The following DOK6 variants were observed in gnomAD, a reference collection of about 807,000 sequenced individuals.
DOK6 encodes the protein docking protein 6, also known as downstream of tyrosine kinase 6.
DOK6 carries 22 observed loss-of-function variants against 44.0 expected under a neutral mutation model. The observed-to-expected ratio is 0.50, with a 90% CI of 0.36 to 0.71. The LOEUF (loss-of-function observed/expected upper bound fraction) is 0.71. Ranked by LOEUF, DOK6 falls within the 30% of genes least tolerant of loss-of-function variation. DOK6 has a pLI of 0.00. For synonymous variants in DOK6, 166 were observed against 145.5 expected (o/e 1.14, Z -1.01); for missense variants, 340 against 416.4 (o/e 0.82, Z 1.60).
At chr18:69,808,732 G>A (rs1981129205) in intron 7 of DOK6, among the ~76,000 whole-genome samples, 1 of 151,776 alleles carries the variant, frequency 6.6e-6, no homozygotes, top group African/African-American at 2.4e-5. Flanking sequence ...TATCCAGACT[G>A]AATCATGAAG....
chr18:69,474,568 A>T (rs181138218), intron 1 of DOK6, among the ~76,000 whole-genome samples: 32 of 152,320 alleles, frequency 2.1e-4, no homozygotes, highest in Admixed American at 2.0e-3. Context: ...ACATGGTTTA[A>T]TGTATTCCAA....
chr18:69,616,157 C>T (rs1335676346), intron 3 of DOK6, among the ~76,000 whole-genome samples: 2 of 152,172 alleles, frequency 1.3e-5, no homozygotes, highest in Non-Finnish European at 2.9e-5. Flanking sequence ...CAGTACATAT[C>T]CTGAGAGGCT....
At position 69,845,071 on chromosome 18, in the gene DOK6, T is replaced by C. The variant is rs1568144203; in HGVS notation, c.*3688T>C. 1 of 152,210 alleles carries C rather than the reference T, an allele frequency of 6.6e-6. No homozygotes were observed. The highest frequency in any genetic ancestry group is 2.4e-5 in the African/African-American group (1 of 41,462). The allele number at this position is 152,210 out of a possible 1,614,324, so 9.4% of individuals were successfully genotyped here. ...AAAATTGATGTGTGCCCCTCCTTGT[T>C]TGGCCAGTATCACAGAAAACTTTGT... is the stretch of plus-strand genomic sequence containing the variant. On this transcript the variant is annotated 3_prime_UTR_variant, in exon 8 of 8. Coordinates refer to ENST00000382713, the MANE Select transcript of DOK6 (RefSeq NM_152721.6).
At chr18:69,822,834 C>A (rs962963530) in intron 7 of DOK6, among the ~76,000 whole-genome samples, 1 of 152,014 alleles carries the variant, frequency 6.6e-6, no homozygotes, top group African/African-American at 2.4e-5. Flanking sequence ...CTTGTTGGGA[C>A]CAGTGTGTTA....
At chr18:69,775,043 A>G (rs1441849253) in intron 7 of DOK6, among the ~76,000 whole-genome samples, 1 of 151,954 alleles carries the variant, frequency 6.6e-6, no homozygotes, top group East Asian at 1.9e-4. Flanking sequence ...ATAGAACAGG[A>G]AGTGATGAAA....
chr18:69,433,068 G>T (rs200187514), intron 1 of DOK6, among the ~76,000 whole-genome samples: 1 of 152,130 alleles, frequency 6.6e-6, no homozygotes, highest in Admixed American at 6.5e-5. Flanking sequence ...GAAAACTGTG[G>T]TATAGCTAGA....
intron 1 of DOK6, among the ~76,000 whole-genome samples, chr18:69,446,742 C>T (rs1979305936): frequency 6.6e-6 from 1 of 152,092 alleles, no homozygotes; most frequent in African/African-American, 2.4e-5. Context: ...TTTTAGTGAT[C>T]ACCATTCTAA....
chr18:69,646,124 T>C (rs1985066725), intron 3 of DOK6, among the ~76,000 whole-genome samples: 1 of 152,204 alleles, frequency 6.6e-6, no homozygotes, highest in African/African-American at 2.4e-5. Context: ...CAGCATGTAA[T>C]AGACCCCTTC....
chr18:69,507,473 A>G (rs1018600323), intron 1 of DOK6, among the ~76,000 whole-genome samples: 2 of 152,174 alleles, frequency 1.3e-5, no homozygotes, highest in East Asian at 3.8e-4. Flanking sequence ...AAAATGTATT[A>G]TTTTGGAGAG....
At chr18:69,788,497 AAC>A (rs931710920) in intron 7 of DOK6, among the ~76,000 whole-genome samples, 109 of 152,270 alleles carry the variant, frequency 7.2e-4, no homozygotes, top group African/African-American at 2.5e-3. Context: ...AATGATATGT[AAC>A]ACATAAAAAT....
intron 1 of DOK6, among the ~76,000 whole-genome samples, chr18:69,525,433 T>G (rs896935648): frequency 2.0e-5 from 3 of 152,054 alleles, no homozygotes; most frequent in Non-Finnish European, 4.4e-5. Context: ...TTGAGAAATC[T>G]CTAAAGAAAT....
intron 1 of DOK6, among the ~76,000 whole-genome samples, chr18:69,496,650 T>C (rs1980900579): frequency 6.6e-6 from 1 of 152,226 alleles, no homozygotes; most frequent in Non-Finnish European, 1.5e-5. Flanking sequence ...CATATGACAT[T>C]ATTACCAGAA....
At chr18:69,732,101 C>T (rs1030618107) in intron 5 of DOK6, among the ~76,000 whole-genome samples, 2 of 151,926 alleles carry the variant, frequency 1.3e-5, no homozygotes, top group African/African-American at 2.4e-5. Flanking sequence ...GCTTTTTTTT[C>T]CTATCAGAAA....
At chr18:69,550,777 C>CTTT (rs10538639) in intron 1 of DOK6, among the ~76,000 whole-genome samples, 127 of 121,410 alleles carry the variant, frequency 1.0e-3, no homozygotes, top group East Asian at 2.2e-3. Context: ...TTGTTTCTTT[C>CTTT]TTTTTTTTTT....
Position 69,597,268 on chromosome 18 carries a change from C to G in DOK6, c.175-2116C>G, listed in dbSNP as rs1216234811. ...TTTATGGTAAACCCTAGAACAATCT[C>G]TAAGGCATGTAGTTGATTTTCATTA... On this transcript the variant is annotated intron_variant, in intron 2 of 7. Transcript: ENST00000382713. Among the ~76,000 whole-genome samples the G allele has an allele frequency of 4.6e-5, 7 of 152,250 alleles. No homozygotes were observed. In the South Asian group the frequency reaches 1.5e-3, roughly 32 times the overall value.
At chr18:69,409,186 G>A (rs1344081815) in intron 1 of DOK6, among the ~76,000 whole-genome samples, 2 of 152,256 alleles carry the variant, frequency 1.3e-5, no homozygotes, top group African/African-American at 4.8e-5. Flanking sequence ...CTGTGAAGAG[G>A]TGCCTTCCAC....
chr18:69,719,737 CTAT>C (rs1057140825), intron 5 of DOK6, among the ~76,000 whole-genome samples: 2 of 152,128 alleles, frequency 1.3e-5, no homozygotes, highest in Non-Finnish European at 2.9e-5. Flanking sequence ...TTATTTTGGC[CTAT>C]TCTCAGGCAT....
chr18:69,468,965 A>G (rs1980007367), intron 1 of DOK6, among the ~76,000 whole-genome samples: 1 of 152,226 alleles, frequency 6.6e-6, no homozygotes, highest in African/African-American at 2.4e-5. Context: ...GACTACTTGG[A>G]TATTTGGGAC....
chr18:69,758,115 A>G (rs953780173), intron 7 of DOK6, among the ~76,000 whole-genome samples: 1 of 152,268 alleles, frequency 6.6e-6, no homozygotes, highest in Non-Finnish European at 1.5e-5. Flanking sequence ...ATTTGGCACG[A>G]GAACTTGACT....
Sources: gnomAD v4.1 joint callset for allele counts (sites outside exome capture counted in the v4.1 genomes callset) on GRCh38, gnomAD v4.1.1 for gene constraint, MANE v1.5 for transcripts, NCBI Gene and HGNC (gene_info 2026-07-23, HGNC 2026-07-21) for gene names.